Variants in GDPD4 observed in about 807,000 individuals in gnomAD.
The protein encoded by GDPD4 is glycerophosphodiester phosphodiesterase 6.
GDPD4 carries 60 observed loss-of-function variants against 67.8 expected under a neutral mutation model. The observed-to-expected ratio is 0.88, with a 90% confidence interval of 0.72 to 1.10. The LOEUF (loss-of-function observed/expected upper bound fraction) is 1.10. Among genes scored for constraint, GDPD4 ranks in the 50% least tolerant of loss-of-function variants. The pLI is 0.00. For missense variants in GDPD4, 623 were observed against 613.9 expected (o/e 1.01, Z -0.16); for synonymous variants, 212 against 210.9 (o/e 1.00, Z -0.04).
intron 16 of GDPD4, 95 bp from the exon 17 acceptor site, chr11:77,217,409 A>T: frequency 9.9e-7 from 1 of 1,007,346 alleles, no homozygotes; most frequent in South Asian, 1.3e-5. Context: ...AATGTTAGCC[A>T]CTCCCTTACC....
At chr11:77,272,048 T>A (rs1959243520) in intron 5 of GDPD4, among the ~76,000 whole-genome samples, 1 of 152,206 alleles carries the variant, frequency 6.6e-6, no homozygotes, top group Non-Finnish European at 1.5e-5. Context: ...TGTATAGTTT[T>A]CCTACATCCG....
chr11:77,242,266 G>T (rs1262153992), intron 13 of GDPD4, among the ~76,000 whole-genome samples: 1 of 151,946 alleles, frequency 6.6e-6, no homozygotes, highest in Non-Finnish European at 1.5e-5. Flanking sequence ...ACATCACATT[G>T]TACCCTATAA....
At chr11:77,228,038 G>C in intron 15 of GDPD4, 122 bp from the exon 16 acceptor site, 1 of 751,298 alleles carries the variant, frequency 1.3e-6, no homozygotes, top group Non-Finnish European at 2.4e-6. Context: ...TATAGCATTT[G>C]CCTGCAAGGA....
Position 77,216,968 on chromosome 11 carries a change from G to A in GDPD4, c.*309C>T. 1.4e-6 allele frequency: 1 copy of A among 702,964 alleles called. No homozygotes were observed. The highest frequency in any genetic ancestry group is 2.6e-6 in the Non-Finnish European group (1 of 385,004). 43.5% of individuals were successfully genotyped at this position (702,964 alleles called of 1,614,324 possible). A position where few individuals can be genotyped will look rare whatever the true frequency, so the allele number is the denominator to read the frequency against. On this transcript the variant is annotated 3_prime_UTR_variant, in exon 17 of 17. Coordinates refer to ENST00000315938, the MANE Select transcript of GDPD4 (RefSeq NM_182833.3). ...ATAGGGGACCTCTATGGAGGGCATGGTTGGCTTATCCACCTTCAGGGTGGG... is the reference window on the plus strand; with the variant it reads ...ATAGGGGACCTCTATGGAGGGCATGATTGGCTTATCCACCTTCAGGGTGGG...
chr11:77,276,122 C>T (rs1190959301), intron 5 of GDPD4, 39 bp downstream of exon 5: 2 of 1,501,134 alleles, frequency 1.3e-6, no homozygotes, highest in Admixed American at 3.3e-5. Flanking sequence ...AAGGTTCAGT[C>T]CTGGTCTAAG....
intron 5 of GDPD4, among the ~76,000 whole-genome samples, chr11:77,273,824 G>C (rs751746123): frequency 4.6e-5 from 7 of 152,214 alleles, no homozygotes; most frequent in Non-Finnish European, 1.0e-4. Context: ...TATCACCTAT[G>C]ATCAGCTAAC....
At chr11:77,229,913 T>C (rs538421422) in intron 14 of GDPD4, among the ~76,000 whole-genome samples, 2 of 152,200 alleles carry the variant, frequency 1.3e-5, no homozygotes, top group African/African-American at 2.4e-5. Context: ...CCACCTCAAT[T>C]GTGCCCTCTC....
At chr11:77,254,480 G>A (rs895195352) in intron 11 of GDPD4, among the ~76,000 whole-genome samples, 1 of 152,098 alleles carries the variant, frequency 6.6e-6, no homozygotes, top group Admixed American at 6.5e-5. Flanking sequence ...TGTTTTGGCT[G>A]TCTTTGTGGA....
chr11:77,242,606 A>G (rs1958691170), intron 13 of GDPD4, among the ~76,000 whole-genome samples: 1 of 152,152 alleles, frequency 6.6e-6, no homozygotes. Context: ...AGCTCAATAA[A>G]TGGAAGTCAT....
At chr11:77,246,377 G>C (rs186929577) in intron 11 of GDPD4, among the ~76,000 whole-genome samples, 26 of 152,298 alleles carry the variant, frequency 1.7e-4, no homozygotes, top group Non-Finnish European at 3.1e-4. Context: ...GCCTCTGTAT[G>C]TCTCATTCAT....
chr11:77,232,240 C>T (rs1265022215), intron 14 of GDPD4, among the ~76,000 whole-genome samples: 1 of 152,208 alleles, frequency 6.6e-6, no homozygotes, highest in Admixed American at 6.5e-5. Flanking sequence ...GGAAAAGCTA[C>T]AGGACCTAAG....
rs1010143651 is a variant in GDPD4 at position 77,216,842 on chromosome 11, G to C, written c.*435C>G. ...GGGAGATGTGGCTAATTCTTCTTTG[G>C]AAACACAGAAGGCTATGTCAGATGC... On this transcript the variant is annotated 3_prime_UTR_variant, in exon 17 of 17. Transcript: ENST00000315938. 1.6e-6 allele frequency: 1 copy of C among 627,964 alleles called. No homozygotes were observed. The highest frequency in any genetic ancestry group is 1.8e-5 in the African/African-American group (1 of 54,634). The allele number at this position is 627,964 out of a possible 1,614,324, so 38.9% of individuals were successfully genotyped here. A position where few individuals can be genotyped will look rare whatever the true frequency, so the allele number is the denominator to read the frequency against.
At chr11:77,250,210 G>A (rs538785954) in intron 11 of GDPD4, among the ~76,000 whole-genome samples, 2 of 152,272 alleles carry the variant, frequency 1.3e-5, no homozygotes, top group East Asian at 1.9e-4. Context: ...ACTAAGCTCA[G>A]TACCTAATAG....
intron 11 of GDPD4, among the ~76,000 whole-genome samples, chr11:77,250,242 C>A (rs926842003): frequency 3.3e-5 from 5 of 152,086 alleles, no homozygotes; most frequent in African/African-American, 1.2e-4. Flanking sequence ...ACCCTGGCCC[C>A]CTTCCTCCTT....
chr11:77,282,558 G>A (rs1959805563), intron 3 of GDPD4, among the ~76,000 whole-genome samples: 1 of 152,012 alleles, frequency 6.6e-6, no homozygotes, highest in Non-Finnish European at 1.5e-5. Context: ...GGAGGCTGAA[G>A]TGGGAGGATC....
rs1394272068 is a variant in GDPD4, at chr11:77,263,793, G to A, written c.707+4664C>T. ...TTTTGTTCATCATGGATGCTAAAGG[G>A]TAGGCAATACCAACAGAAACTAGTT... is the stretch of plus-strand genomic sequence containing the variant. On this transcript the variant is annotated intron_variant, in intron 10 of 16. Coordinates refer to ENST00000315938, the MANE Select transcript of GDPD4 (RefSeq NM_182833.3). Among the ~76,000 whole-genome samples the A allele has an allele frequency of 3.3e-5, 5 of 152,098 alleles. No individual in the cohort carries two copies. In the East Asian group the frequency reaches 9.6e-4, roughly 29 times the overall value.
rs866115482 is a variant in GDPD4, at chr11:77,268,998, A to C, written c.550T>G (p.Tyr184Asp). ...LGLYLMPLGIYSPCIQEKENL... is the reference protein window; with the variant it reads ...LGLYLMPLGIDSPCIQEKENL... ...TCCTTCTCCTGAATGCAGGGAGAAT[A>C]AATCCCCAGTGGCATCAAATAGAGA... Residue 184 changes from tyrosine to aspartate, a missense_variant, in exon 9 of 17, where the codon TAT (tyrosine) becomes GAT (aspartate). Coordinates refer to ENST00000315938, the MANE Select transcript of GDPD4 (RefSeq NM_182833.3). The C allele has an allele frequency of 6.2e-7, 1 of 1,613,940 alleles. No individual in the cohort carries two copies.
intron 3 of GDPD4, among the ~76,000 whole-genome samples, chr11:77,280,322 A>G (rs941128145): frequency 4.6e-5 from 7 of 152,162 alleles, no homozygotes; most frequent in Admixed American, 4.6e-4. Flanking sequence ...AAGATCTTCC[A>G]TGATGTAAAG....
In GDPD4 at chr11:77,279,382, G is replaced by A. The variant is rs375519795; in HGVS notation, c.71C>T (p.Thr24Ile). The A allele has an allele frequency of 6.2e-7, 1 of 1,609,564 alleles. No homozygotes were observed. Among genetic ancestry groups the A allele is most frequent in the Non-Finnish European group, 8.5e-7 (1 of 1,176,280 alleles). ...FNFDWVTFLGTGYWFFWSIFI... is the reference protein window; with the variant it reads ...FNFDWVTFLGIGYWFFWSIFI... ...AATAGACCAGAAAAACCAGTATCCT[G>A]TTCCTAGAAAAGTGACCCTGAAAAA... The change falls in exon 4 of 17, where the codon ACA becomes ATA. Residue 24 changes from threonine to isoleucine, a missense_variant. Transcript: ENST00000315938.
Sources: gnomAD v4.1 joint callset for allele counts (sites outside exome capture counted in the v4.1 genomes callset) on GRCh38, gnomAD v4.1.1 for gene constraint, MANE v1.5 for transcripts, NCBI Gene and HGNC (gene_info 2026-07-23, HGNC 2026-07-21) for gene names.